ITFG1: variants seen among roughly 807,000 people sequenced by gnomAD.
The protein encoded by ITFG1 is integrin alpha FG-GAP repeat containing 1.
A neutral mutation model predicts 81.8 loss-of-function variants in ITFG1; 34 were observed. The ratio of observed to expected loss-of-function variants is 0.42; its 90% CI spans 0.32 to 0.55. The LOEUF (loss-of-function observed/expected upper bound fraction) is 0.55. ITFG1 is among the 20% of genes least tolerant of loss of function. The pLI is 0.17. For missense variants in ITFG1, 672 were observed against 755.4 expected, an observed-to-expected ratio of 0.89 and a Z score of 1.29; for synonymous variants, 285 against 270.6, an observed-to-expected ratio of 1.05 and a Z score of -0.52.
chr16:47,352,717 C>T (rs1967979337), intron 8 of ITFG1, among the ~76,000 whole-genome samples: 1 of 152,060 alleles, frequency 6.6e-6, no homozygotes, highest in African/African-American at 2.4e-5. Flanking sequence ...GGTATATACC[C>T]AAAGGAATAT....
At chr16:47,331,779 C>T (rs1967640486) in intron 8 of ITFG1, among the ~76,000 whole-genome samples, 1 of 152,124 alleles carries the variant, frequency 6.6e-6, no homozygotes, top group African/African-American at 2.4e-5. Flanking sequence ...TTGAAATTTT[C>T]ATGAGAAAAG....
intron 6 of ITFG1, among the ~76,000 whole-genome samples, chr16:47,408,465 A>G (rs1057119715): frequency 7.9e-5 from 12 of 152,220 alleles, no homozygotes; most frequent in Non-Finnish European, 1.5e-4. Context: ...ATGTAAAGTG[A>G]TATCTTTCCA....
intron 8 of ITFG1, among the ~76,000 whole-genome samples, chr16:47,349,172 C>G (rs958439938): frequency 5.9e-5 from 9 of 152,170 alleles, no homozygotes; most frequent in African/African-American, 2.2e-4. Flanking sequence ...AAGTTACCAG[C>G]TAACATCATA....
chr16:47,290,823 T>C (rs1966896392), intron 10 of ITFG1, among the ~76,000 whole-genome samples: 1 of 152,180 alleles, frequency 6.6e-6, no homozygotes, highest in South Asian at 2.1e-4. Flanking sequence ...TACTGATAGG[T>C]GAAGACTTAC....
intron 10 of ITFG1, among the ~76,000 whole-genome samples, chr16:47,276,144 T>C (rs1302713249): frequency 6.6e-6 from 1 of 152,068 alleles, no homozygotes; most frequent in Non-Finnish European, 1.5e-5. Flanking sequence ...TAATTATCTA[T>C]ATAGGAAATC....
chr16:47,228,714 A>C (rs964113132), intron 13 of ITFG1, among the ~76,000 whole-genome samples: 10 of 152,200 alleles, frequency 6.6e-5, no homozygotes, highest in Non-Finnish European at 1.0e-4. Context: ...AATGTTCCTA[A>C]ATAGAATAGG....
chr16:47,441,286 TC>T (rs1056874300), intron 5 of ITFG1, among the ~76,000 whole-genome samples: 7 of 152,086 alleles, frequency 4.6e-5, no homozygotes, highest in Non-Finnish European at 1.0e-4. Context: ...CTGAAACTAT[TC>T]CAATCAATAG....
chr16:47,410,606 C>A (rs1475430144), intron 6 of ITFG1, among the ~76,000 whole-genome samples: 2 of 152,100 alleles, frequency 1.3e-5, no homozygotes, highest in African/African-American at 4.8e-5. Context: ...AAGCTGGAAC[C>A]CTTGCCTGGC....
chr16:47,271,610 A>G (rs1339673548), intron 10 of ITFG1, among the ~76,000 whole-genome samples: 1 of 152,250 alleles, frequency 6.6e-6, no homozygotes, highest in Non-Finnish European at 1.5e-5. Context: ...CTGTGATCCC[A>G]GCACTTTGGG....
intron 15 of ITFG1, among the ~76,000 whole-genome samples, chr16:47,162,086 C>T (rs6598800): frequency 0.13 from 19,672 of 152,002 alleles, 2,853 homozygotes; most frequent in African/African-American, 0.36. Context: ...TAGACACTTA[C>T]GTAGCAGGCA....
chr16:47,370,944 C>T (rs1203457737), intron 7 of ITFG1, among the ~76,000 whole-genome samples: 3 of 152,240 alleles, frequency 2.0e-5, no homozygotes, highest in African/African-American at 4.8e-5. Flanking sequence ...ATCCTGTCAA[C>T]TGCAGTGCTA....
At chr16:47,416,363 T>G (rs907164214) in intron 6 of ITFG1, among the ~76,000 whole-genome samples, 3 of 152,118 alleles carry the variant, frequency 2.0e-5, no homozygotes, top group Non-Finnish European at 4.4e-5. Flanking sequence ...CTAAAAATAT[T>G]TAAAAAGAAA....
intron 8 of ITFG1, among the ~76,000 whole-genome samples, chr16:47,357,652 G>T (rs1181138870): frequency 6.6e-6 from 1 of 150,472 alleles, no homozygotes; most frequent in African/African-American, 2.4e-5. Flanking sequence ...GCAATGCACA[G>T]TATAGTCTTG....
chr16:47,278,532 A>C (rs1596856619), intron 10 of ITFG1, among the ~76,000 whole-genome samples: 1 of 152,176 alleles, frequency 6.6e-6, no homozygotes, highest in African/African-American at 2.4e-5. Flanking sequence ...GAGATGAGAA[A>C]GCATGCGAGG....
intron 14 of ITFG1, among the ~76,000 whole-genome samples, chr16:47,180,958 C>T (rs1197116784): frequency 4.8e-4 from 72 of 151,394 alleles, no homozygotes; most frequent in Non-Finnish European, 8.1e-4. Flanking sequence ...GCCCGGCCGC[C>T]CATCATCTGG....
chr16:47,441,918 T>C (rs1237493810), intron 5 of ITFG1, among the ~76,000 whole-genome samples: 8 of 152,228 alleles, frequency 5.3e-5, no homozygotes, highest in Admixed American at 1.3e-4. Flanking sequence ...CATGATTGTA[T>C]ATCTAGAAAA....
chr16:47,199,963 C>T (rs762880195), intron 14 of ITFG1, among the ~76,000 whole-genome samples: 16 of 151,550 alleles, frequency 1.1e-4, no homozygotes, highest in East Asian at 9.7e-4. Context: ...AATCTTATGC[C>T]GCCACTGATC....
intron 13 of ITFG1, among the ~76,000 whole-genome samples, chr16:47,225,101 A>AT (rs1188884662): frequency 6.6e-6 from 1 of 152,232 alleles, no homozygotes; most frequent in Non-Finnish European, 1.5e-5. Flanking sequence ...ATAAAGAGAA[A>AT]TCACAAAATA....
rs140653558 is a variant in ITFG1 at position 47,226,241 on chromosome 16, G to A, written c.1375-7295C>T. On this transcript the variant is annotated intron_variant, in intron 13 of 17. Transcript: ENST00000320640. ...TGTGTGTGTGTGAGACCCGAGTCTC[G>A]TTTTGTCACCCAGGCTGGAGTGCAG... is the stretch of plus-strand genomic sequence containing the variant. Among the ~76,000 whole-genome samples the A allele has an allele frequency of 1.7e-3, 256 of 152,216 alleles. 2 individuals are homozygous for A. Among genetic ancestry groups the A allele is most frequent in the Non-Finnish European group, 2.8e-3 (191 of 67,998 alleles).
Sources: allele counts gnomAD v4.1 joint callset (sites outside exome capture counted in the v4.1 genomes callset), GRCh38; gene constraint gnomAD v4.1.1; transcripts MANE v1.5; gene names NCBI Gene and HGNC (gene_info 2026-07-23, HGNC 2026-07-21).